RASA1: variants seen among roughly 807,000 people sequenced by gnomAD.
RASA1 encodes RAS p21 protein activator 1, also known as ras GTPase-activating protein 1.
RASA1 carries 25 observed loss-of-function variants against 132.2 expected under a neutral mutation model. That is an observed-to-expected ratio of 0.19 (90% CI 0.14 to 0.26). The LOEUF is 0.26. Among genes scored for constraint, RASA1 ranks in the 10% least tolerant of loss-of-function variants. The pLI is 1.00. For synonymous variants in RASA1, 477 were observed against 449.9 expected (o/e 1.06, Z -0.76); for missense variants, 964 against 1,299.2 (o/e 0.74, Z 3.97).
intron 1 of RASA1, among the ~76,000 whole-genome samples, chr5:87,326,657 T>C (rs1757251887): frequency 6.6e-6 from 1 of 152,312 alleles, no homozygotes; most frequent in Admixed American, 6.5e-5. Flanking sequence ...CTCAAGTACA[T>C]ACTATCCTTT....
At chr5:87,329,866 C>G (rs770130402) in intron 1 of RASA1, among the ~76,000 whole-genome samples, 1 of 152,018 alleles carries the variant, frequency 6.6e-6, no homozygotes, top group African/African-American at 2.4e-5. Flanking sequence ...TCTCTTATGT[C>G]GTTAAATTAT....
chr5:87,304,001 T>C (rs1266486104), intron 1 of RASA1, among the ~76,000 whole-genome samples: 1 of 152,046 alleles, frequency 6.6e-6, no homozygotes, highest in Non-Finnish European at 1.5e-5. Context: ...ACCTGGCTAA[T>C]TTTGGTATTT....
intron 4 of RASA1, among the ~76,000 whole-genome samples, chr5:87,335,277 CTTAGTG>C (rs1174331237): frequency 6.6e-6 from 1 of 152,076 alleles, no homozygotes; most frequent in East Asian, 1.9e-4. Context: ...AGGAAGAAAA[CTTAGTG>C]TTTGTTGCCA....
chr5:87,387,470 A>ATT (rs2112519094), intron 23 of RASA1, among the ~76,000 whole-genome samples: 2 of 152,238 alleles, frequency 1.3e-5, no homozygotes, highest in East Asian at 3.9e-4. Flanking sequence ...TTTCTTAATC[A>ATT]AGTTAAATTT....
intron 7 of RASA1, 149 bp from the exon 8 acceptor site, chr5:87,349,065 T>A (rs772898676): frequency 1.1e-4 from 108 of 981,012 alleles, no homozygotes; most frequent in Non-Finnish European, 1.5e-4. Context: ...ACCAGAAAAT[T>A]TGAAAGAAAT....
intron 6 of RASA1, 33 bp downstream of exon 6, chr5:87,341,354 A>AG: frequency 1.5e-6 from 2 of 1,299,084 alleles, no homozygotes; most frequent in South Asian, 2.3e-5. Flanking sequence ...AATGAAAAAA[A>AG]AAATCTATAT....
intron 4 of RASA1, among the ~76,000 whole-genome samples, chr5:87,334,722 AGT>A (rs1757841517): frequency 6.6e-6 from 1 of 152,176 alleles, no homozygotes; most frequent in African/African-American, 2.4e-5. Context: ...TTCATTGAAG[AGT>A]GTTGTTGATG....
chr5:87,354,361 T>C (rs1013668392), intron 9 of RASA1, among the ~76,000 whole-genome samples: 1 of 152,174 alleles, frequency 6.6e-6, no homozygotes, highest in Admixed American at 6.6e-5. Flanking sequence ...TAGTGTCACA[T>C]TTTGGTAATT....
intron 11 of RASA1, among the ~76,000 whole-genome samples, chr5:87,366,117 A>C (rs1316706768): frequency 6.6e-6 from 1 of 152,202 alleles, no homozygotes; most frequent in Non-Finnish European, 1.5e-5. Flanking sequence ...GATTTACTGA[A>C]GAATCAGTAA....
intron 1 of RASA1, 23 bp from the exon 2 acceptor site, chr5:87,331,325 T>C (rs1288572671): frequency 3.4e-5 from 54 of 1,577,424 alleles, no homozygotes; most frequent in African/African-American, 5.4e-5. Flanking sequence ...TATATTGTAA[T>C]ATCTTCTCTG....
At chr5:87,390,062 CAGT>C (rs1762384623) in intron 24 of RASA1, among the ~76,000 whole-genome samples, 1 of 152,130 alleles carries the variant, frequency 6.6e-6, no homozygotes, top group Non-Finnish European at 1.5e-5. Flanking sequence ...CTTTGAGAAA[CAGT>C]AGACTACATT....
At chr5:87,365,444 T>G (rs1760443195) in intron 11 of RASA1, among the ~76,000 whole-genome samples, 1 of 152,134 alleles carries the variant, frequency 6.6e-6, no homozygotes, top group South Asian at 2.1e-4. Flanking sequence ...ATTCACAGCT[T>G]CATTATGAAG....
chr5:87,366,448 T>C, intron 11 of RASA1: 1 of 342,068 alleles, frequency 2.9e-6, no homozygotes, highest in Non-Finnish European at 6.0e-6. Context: ...AAAAGAAGGA[T>C]CAGATCCTTG....
At chr5:87,285,033 CATTTATTTATTTATTTATTTATTTATTT>C (rs34217012) in intron 1 of RASA1, among the ~76,000 whole-genome samples, 1 of 137,012 alleles carries the variant, frequency 7.3e-6, no homozygotes, top group South Asian at 2.4e-4. Context: ...ATAATGGTAC[CATTTATTTATTTATTTATTTATTTATTT>C]ATTTATTTAT....
intron 1 of RASA1, among the ~76,000 whole-genome samples, chr5:87,302,476 T>C (rs964110257): frequency 1.3e-5 from 2 of 151,720 alleles, no homozygotes; most frequent in African/African-American, 2.4e-5. Context: ...ATATATCTTA[T>C]AGAAATCTTC....
chr5:87,353,306 C>A, intron 9 of RASA1, 71 bp downstream of exon 9: 1 of 1,221,242 alleles, frequency 8.2e-7, no homozygotes, highest in Non-Finnish European at 1.2e-6. Context: ...TATGTTTTTG[C>A]ACACATTTGT....
chr5:87,282,736 T>C (rs1754370193), intron 1 of RASA1, among the ~76,000 whole-genome samples: 1 of 152,210 alleles, frequency 6.6e-6, no homozygotes, highest in African/African-American at 2.4e-5. Context: ...TTTTTAGTCA[T>C]TTTTCTTCCT....
chr5:87,303,753 CA>C (rs1755482372), intron 1 of RASA1, among the ~76,000 whole-genome samples: 2 of 150,810 alleles, frequency 1.3e-5, no homozygotes, highest in African/African-American at 4.9e-5. Flanking sequence ...ATATATAATT[CA>C]TAATTCTAGA....
chr5:87,320,620 C>A (rs1319041519), intron 1 of RASA1, among the ~76,000 whole-genome samples: 2 of 152,172 alleles, frequency 1.3e-5, no homozygotes, highest in Non-Finnish European at 2.9e-5. Flanking sequence ...ATCACGAGAA[C>A]AGCAAGGGGA....
Sources: gnomAD v4.1 joint callset for allele counts (sites outside exome capture counted in the v4.1 genomes callset) on GRCh38, gnomAD v4.1.1 for gene constraint, MANE v1.5 for transcripts, NCBI Gene and HGNC (gene_info 2026-07-23, HGNC 2026-07-21) for gene names.